RASSF5: variants seen among roughly 807,000 people sequenced by gnomAD.
The protein encoded by RASSF5 is ras association domain-containing protein 5.
In RASSF5, 25 loss-of-function variants were observed where a neutral mutation model predicts 40.5. That is an observed-to-expected ratio of 0.62 (90% CI 0.45 to 0.86). RASSF5 has a LOEUF of 0.86. Ranked by LOEUF, RASSF5 falls within the 40% of genes least tolerant of loss-of-function variation. RASSF5 has a pLI of 0.00. For missense variants in RASSF5, 521 were observed against 572.8 expected (o/e 0.91, Z 0.92); for synonymous variants, 246 against 252.4 (o/e 0.97, Z 0.24).
rs782084488 is a variant in RASSF5 at position 206,589,261 on chromosome 1, C to T, written c.*2283C>T. On this transcript the variant is annotated 3_prime_UTR_variant, in exon 6 of 6. Transcript: ENST00000579436. The stretch of plus-strand genomic sequence containing the variant: ...GGTTTTAAAAAAAAGTAATAAAAGC[C>T]TGTTGCAAAAATGACTCATGTTAGA... The T allele has an allele frequency of 2.0e-5, 3 of 152,600 alleles. No homozygotes were observed. Among genetic ancestry groups the T allele is most frequent in the Non-Finnish European group, 4.4e-5 (3 of 68,018 alleles). 9.5% of individuals were successfully genotyped at this position (152,600 alleles called of 1,614,324 possible).
In RASSF5 at chr1:206,531,325, C is replaced by G. The variant is rs1667230888; in HGVS notation, c.458-6847C>G. 6.6e-6 allele frequency among the ~76,000 whole-genome samples: 1 copy of G among 152,180 alleles called. No homozygotes were observed. On this transcript the variant is annotated intron_variant, in intron 1 of 5. Transcript: ENST00000579436. This position sits in a 1 kb window ranked among gnomAD's most constrained non-coding sequence, Gnocchi z 4.7. Reference sequence around the variant, plus strand: ...CAGAGCAAAGGGCTGCAGAAAGGGTCGCATTCAGGAACTGTGGCCGAGGAG... The same window carrying G: ...CAGAGCAAAGGGCTGCAGAAAGGGTGGCATTCAGGAACTGTGGCCGAGGAG...
rs1243761976 is a variant in RASSF5 at position 206,585,118 on chromosome 1, C to A, written c.989-62C>A. ...CCTCTGCATTTCCAATCCTTTCCCG[C>A]AAGCCTGGGCCCCGCCCTTCTTTTC... On this transcript the variant is annotated intron_variant, in intron 4 of 5. Transcript: ENST00000579436. 45 of 1,284,026 alleles carry A rather than the reference C, an allele frequency of 3.5e-5. No individual in the cohort carries two copies. The Admixed American group carries it at 6.4e-4, about 18-fold the overall frequency. 79.5% of individuals were successfully genotyped at this position (1,284,026 alleles called of 1,614,324 possible).
chr1:206,523,504 T>A (rs577859275), intron 1 of RASSF5, among the ~76,000 whole-genome samples: 7 of 17,832 alleles, frequency 3.9e-4, no homozygotes, highest in South Asian at 7.9e-3. Flanking sequence ...ATTATATATT[T>A]TATATATTAT....
intron 1 of RASSF5, among the ~76,000 whole-genome samples, chr1:206,512,673 GC>G (rs1358518359): frequency 1.3e-5 from 2 of 152,028 alleles, no homozygotes; most frequent in Non-Finnish European, 2.9e-5. Flanking sequence ...AGAAAAGACA[GC>G]CCCCAGCCCA....
chr1:206,511,048 C>T (rs1395233341), intron 1 of RASSF5, among the ~76,000 whole-genome samples: 1 of 152,196 alleles, frequency 6.6e-6, no homozygotes, highest in African/African-American at 2.4e-5. Context: ...CCTAAGCTTA[C>T]CCCACTTCAA....
intron 1 of RASSF5, among the ~76,000 whole-genome samples, chr1:206,523,713 T>C (rs1418291382): frequency 8.7e-5 from 5 of 57,286 alleles, no homozygotes; most frequent in African/African-American, 3.4e-4. Context: ...TTATATATTA[T>C]ACAATATATT....
intron 1 of RASSF5, among the ~76,000 whole-genome samples, chr1:206,537,356 A>G (rs1041036611): frequency 1.5e-4 from 23 of 152,208 alleles, no homozygotes; most frequent in Non-Finnish European, 3.1e-4. Flanking sequence ...AGCTGCATTC[A>G]GAGTAGCATC....
chr1:206,535,718 GTGT>G lies in RASSF5; in HGVS notation c.458-2453_458-2451del, dbSNP rs1558503504. Among the ~76,000 whole-genome samples the G allele has an allele frequency of 0.42, 47,698 of 113,254 alleles. 7,974 individuals are homozygous for G. Among genetic ancestry groups the G allele is most frequent in the South Asian group, 0.56 (2,228 of 3,966 alleles). 74.3% of individuals were successfully genotyped at this position (113,254 alleles called of 152,430 possible). A position where few individuals can be genotyped will look rare whatever the true frequency, so the allele number is the denominator to read the frequency against. ...GTGTGTGTGTCTGTGTGTGTGTGGT[GTGT>G]GTGTGTGTGTGTGTGTGTGTGTGAG... On this transcript the variant is annotated intron_variant, in intron 1 of 5. Coordinates refer to ENST00000579436, the MANE Select transcript of RASSF5 (RefSeq NM_182663.4). The surrounding 1 kb of genome is among the most constrained non-coding windows in gnomAD (Gnocchi z 5.0).
At position 206,508,054 on chromosome 1, in the gene RASSF5, G is replaced by A; in HGVS notation, c.452G>A (p.Cys151Tyr). 1.4e-6 allele frequency: 2 copies of A among 1,392,740 alleles called. No homozygotes were observed. Among genetic ancestry groups the A allele is most frequent in the East Asian group, 2.9e-5 (1 of 34,940 alleles). The allele number at this position is 1,392,740 out of a possible 1,614,324, so 86.3% of individuals were successfully genotyped here. ...GREVLRQALRCTNCKFTCHPE... is the reference protein window; with the variant it reads ...GREVLRQALRYTNCKFTCHPE... ...GAGGTGCTGCGGCAGGCGCTGCGCT[G>A]CACTAGTAAGTGTGAAGGCAGGGGA... The change falls in exon 1 of 6, where the codon TGC (cysteine) becomes TAC (tyrosine). Residue 151 changes from cysteine (C) to tyrosine (Y), a missense_variant. Cys to Tyr is a radical substitution (Grantham distance 194, BLOSUM62 -2). Coordinates refer to ENST00000579436, the MANE Select transcript of RASSF5 (RefSeq NM_182663.4).
intron 2 of RASSF5, among the ~76,000 whole-genome samples, chr1:206,540,494 C>T (rs1439308223): frequency 6.6e-6 from 1 of 152,264 alleles, no homozygotes; most frequent in Non-Finnish European, 1.5e-5. Flanking sequence ...GGGAGCTGAA[C>T]CGCCCCCAGT....
At chr1:206,564,090 C>T (rs1459728131) in intron 2 of RASSF5, among the ~76,000 whole-genome samples, 1 of 152,198 alleles carries the variant, frequency 6.6e-6, no homozygotes, top group African/African-American at 2.4e-5. Flanking sequence ...CTGTCCTTCT[C>T]AACAAACACC....
At position 206,585,210 on chromosome 1, in the gene RASSF5, G is replaced by A. The variant is rs782312271; in HGVS notation, c.1019G>A (p.Arg340His). The change falls in exon 5 of 6, where the codon CGC becomes CAC. Residue 340 changes from arginine to histidine, a missense_variant. Around this residue, in one of 2 missense-constraint regions of RASSF5, gnomAD observed 284 missense variants for 360.8 expected, o/e 0.79. Coordinates refer to ENST00000579436, the MANE Select transcript of RASSF5 (RefSeq NM_182663.4). Reference protein sequence around the residue: ...VLFQKLSIADRPLYLRLLAGP... With the variant: ...VLFQKLSIADHPLYLRLLAGP... ...TTCCAGAAACTCTCCATTGCTGACC[G>A]CCCCCTCTACCTGCGCCTGCTTGCT... 9.3e-6 allele frequency: 15 copies of A among 1,613,852 alleles called. No homozygotes were observed. Among genetic ancestry groups the A allele is most frequent in the Non-Finnish European group, 6.8e-6 (8 of 1,179,968 alleles).
At chr1:206,581,898 G>C (rs61815565) in intron 2 of RASSF5, among the ~76,000 whole-genome samples, 1 of 152,094 alleles carries the variant, frequency 6.6e-6, no homozygotes, top group African/African-American at 2.4e-5. Context: ...GCCCTGTTGT[G>C]TTCCGCGGGG....
At chr1:206,524,741 G>A (rs188795144) in intron 1 of RASSF5, among the ~76,000 whole-genome samples, 2 of 140,708 alleles carry the variant, frequency 1.4e-5, no homozygotes, top group African/African-American at 2.6e-5. Context: ...CAGAAGAGAT[G>A]GGAAGGATTG....
Position 206,588,310 on chromosome 1 carries a change from C to CCAAT in RASSF5, c.*1335_*1338dup, listed in dbSNP as rs1285235828. The CCAAT allele has an allele frequency of 6.6e-6, 1 of 152,480 alleles. No homozygotes were observed. Among genetic ancestry groups the CCAAT allele is most frequent in the Non-Finnish European group, 1.5e-5 (1 of 68,050 alleles). The allele number at this position is 152,480 out of a possible 1,614,324, so 9.4% of individuals were successfully genotyped here. A position where few individuals can be genotyped will look rare whatever the true frequency, so the allele number is the denominator to read the frequency against. On this transcript the variant is annotated 3_prime_UTR_variant, in exon 6 of 6. Transcript: ENST00000579436. Reference sequence around the variant, plus strand: ...CCATCTGGGTGCCTGAGTTTTGACTCCAATCAGTGATACCAGACCACATTG... The same window carrying CCAAT: ...CCATCTGGGTGCCTGAGTTTTGACTCCAATCAATCAGTGATACCAGACCACATTG...
rs1467055412 is a variant in RASSF5, at chr1:206,584,272, G to C, written c.691-115G>C. On this transcript the variant is annotated intron_variant, in intron 3 of 5. Transcript: ENST00000579436. The surrounding 1 kb of genome is among the most constrained non-coding windows in gnomAD (Gnocchi z 4.9). Reference sequence around the variant, plus strand: ...CTCCAGCTCTCCCACGTCAGCAGAGGCAGGAAAGAACTCAAGGAGACAGGT... The same window carrying C: ...CTCCAGCTCTCCCACGTCAGCAGAGCCAGGAAAGAACTCAAGGAGACAGGT... The C allele has an allele frequency of 3.0e-6, 3 of 998,678 alleles. No individual in the cohort carries two copies. Among genetic ancestry groups the C allele is most frequent in the Middle Eastern group, 6.0e-4 (2 of 3,360 alleles). The allele number at this position is 998,678 out of a possible 1,614,324, so 61.9% of individuals were successfully genotyped here.
In RASSF5 at chr1:206,584,378, C is replaced by G. The variant is rs200482213; in HGVS notation, c.691-9C>G. The G allele has an allele frequency of 1.2e-6, 2 of 1,603,902 alleles. No homozygotes were observed. The highest frequency in any genetic ancestry group is 1.7e-6 in the Non-Finnish European group (2 of 1,174,162). ...GCCCTGACCCCCTGTGACATGCCCC[C>G]GCTGGCAGAGTGAAGACGGCACCTA... On this transcript the variant is annotated splice_polypyrimidine_tract_variant and intron_variant, in intron 3 of 5. Coordinates refer to ENST00000579436, the MANE Select transcript of RASSF5 (RefSeq NM_182663.4). This position sits in a 1 kb window ranked among gnomAD's most constrained non-coding sequence, Gnocchi z 4.9.
At chr1:206,580,524 G>A (rs1450237602) in intron 2 of RASSF5, among the ~76,000 whole-genome samples, 1 of 152,170 alleles carries the variant, frequency 6.6e-6, no homozygotes, top group Non-Finnish European at 1.5e-5. Flanking sequence ...AGGCACATCT[G>A]GTCCCATAGA....
At chr1:206,539,233 T>G (rs1667488814) in intron 2 of RASSF5, among the ~76,000 whole-genome samples, 1 of 152,212 alleles carries the variant, frequency 6.6e-6, no homozygotes, top group South Asian at 2.1e-4. Context: ...GATTTAATGA[T>G]GAAAATTACA....
Sources: allele counts gnomAD v4.1 joint callset (sites outside exome capture counted in the v4.1 genomes callset), GRCh38; gene constraint gnomAD v4.1.1; regional missense constraint gnomAD v4.1.1; non-coding constraint Gnocchi (gnomAD v3.1); transcripts MANE v1.5; gene names NCBI Gene and HGNC (gene_info 2026-07-23, HGNC 2026-07-21).